SLC28A1: variants seen among roughly 807,000 people sequenced by gnomAD.
SLC28A1 encodes the protein solute carrier family 28 member 1.
SLC28A1 carries 64 observed loss-of-function variants against 74.8 expected under a neutral mutation model. That is an observed-to-expected ratio of 0.86 (90% CI 0.70 to 1.05). The LOEUF is 1.05. Ranked by LOEUF, SLC28A1 falls within the 50% of genes least tolerant of loss-of-function variation. The pLI is 0.00. For synonymous variants in SLC28A1, 359 were observed against 335.0 expected (o/e 1.07, Z -0.78); for missense variants, 828 against 822.8 (o/e 1.01, Z -0.08).
chr15:84,918,753 A>G (rs1969446238), intron 10 of SLC28A1, 149 bp downstream of exon 10: 3 of 734,058 alleles, frequency 4.1e-6, no homozygotes, highest in South Asian at 2.8e-5. Flanking sequence ...CCCTGTTCCC[A>G]GTGCCTCCAC....
In SLC28A1 at chr15:84,909,311, C is replaced by T. The variant is rs144300821; in HGVS notation, c.795+516C>T. ...ATAGCTCCCTCCTTTGTGACCTCCT[C>T]AACCTACGATCCCACTTTCCCTCCC... On this transcript the variant is annotated intron_variant, in intron 9 of 18. Transcript: ENST00000394573. 1.4e-3 allele frequency among the ~76,000 whole-genome samples: 212 copies of T among 152,324 alleles called. 2 individuals are homozygous for T. Among genetic ancestry groups the T allele is most frequent in the African/African-American group, 5.0e-3 (207 of 41,566 alleles).
chr15:84,954,735 A>C, the SLC28A1 span, among the ~76,000 whole-genome samples: 1 of 152,212 alleles, frequency 6.6e-6, no homozygotes, highest in African/African-American at 2.4e-5. Flanking sequence ...AAACAGGTAT[A>C]TGATATGTGT....
downstream of SLC28A1, among the ~76,000 whole-genome samples, chr15:84,950,268 C>CA (rs2079371685): frequency 2.0e-5 from 3 of 151,470 alleles, no homozygotes; most frequent in Admixed American, 2.0e-4. Context: ...TTCATAAACT[C>CA]AAAATTTTAA....
intron 7 of SLC28A1, among the ~76,000 whole-genome samples, chr15:84,905,051 C>T (rs1284699277): frequency 1.3e-5 from 2 of 152,198 alleles, no homozygotes; most frequent in Non-Finnish European, 2.9e-5. Flanking sequence ...CCTGAGGAGC[C>T]CAGCTCTTGT....
the SLC28A1 span, among the ~76,000 whole-genome samples, chr15:84,964,992 A>G: frequency 6.6e-6 from 1 of 152,166 alleles, no homozygotes; most frequent in Non-Finnish European, 1.5e-5. Flanking sequence ...GAAGATCCTC[A>G]GTATGGAATG....
At chr15:84,890,802 A>G (rs1965290685) in intron 5 of SLC28A1, among the ~76,000 whole-genome samples, 1 of 152,092 alleles carries the variant, frequency 6.6e-6, no homozygotes, top group Non-Finnish European at 1.5e-5. Flanking sequence ...GGAATGGGGG[A>G]TGATCAGGGA....
downstream of SLC28A1, among the ~76,000 whole-genome samples, chr15:84,946,141 G>C (rs1203583001): frequency 3.2e-5 from 1 of 31,040 alleles, no homozygotes; most frequent in Non-Finnish European, 6.0e-5. Context: ...TTTTGGTAGA[G>C]ATGAGGTCTT....
rs150471536 is a variant in SLC28A1, at chr15:84,935,198, C to A, written c.1383+4C>A. 2.5e-6 allele frequency: 4 copies of A among 1,613,722 alleles called. No homozygotes were observed. Among genetic ancestry groups the A allele is most frequent in the Admixed American group, 3.3e-5 (2 of 60,000 alleles). ...CATCCAAGGGCTCAGCTTCCAGGTG[C>A]GTTTCTGGCCACCACACTCAGTCTG... On this transcript the variant is annotated splice_donor_region_variant and intron_variant, in intron 14 of 18. Transcript: ENST00000394573.
At chr15:84,941,966 C>T (rs1972775839) in intron 15 of SLC28A1, among the ~76,000 whole-genome samples, 3 of 152,184 alleles carry the variant, frequency 2.0e-5, no homozygotes, top group Admixed American at 2.0e-4. Flanking sequence ...TCCTTAGTTA[C>T]TTAACCTCTC....
chr15:84,910,651 C>G (rs1191148603), intron 9 of SLC28A1, among the ~76,000 whole-genome samples: 1 of 152,146 alleles, frequency 6.6e-6, no homozygotes, highest in African/African-American at 2.4e-5. Flanking sequence ...TCGCTTGAAC[C>G]CAGGAGGCAG....
In SLC28A1 at chr15:84,918,600, T is replaced by C; in HGVS notation, c.872T>C (p.Leu291Pro). The part of the protein sequence containing the change: ...YHVGLMQWVI[L>P]KIAWLMQVTM... ...GTGGGCCTCATGCAGTGGGTGATCC[T>C]GAAGGTAAGTTCCCAGTGCCCATGG... Residue 291 changes from leucine to proline, a missense_variant, in exon 10 of 19, where the codon CTG becomes CCG. Leu to Pro is a moderately conservative substitution (Grantham distance 98). Coordinates refer to ENST00000394573, the MANE Select transcript of SLC28A1 (RefSeq NM_004213.5). 6.2e-7 allele frequency: 1 copy of C among 1,611,174 alleles called. No homozygotes were observed. The highest frequency in any genetic ancestry group is 8.5e-7 in the Non-Finnish European group (1 of 1,177,382).
chr15:84,911,588 G>A (rs547059463), intron 9 of SLC28A1, among the ~76,000 whole-genome samples: 12 of 151,886 alleles, frequency 7.9e-5, no homozygotes, highest in South Asian at 4.1e-4. Context: ...TAGGCTGGGC[G>A]TGGTGGCTCA....
chr15:84,969,277 C>T, the SLC28A1 span, among the ~76,000 whole-genome samples: 20 of 152,196 alleles, frequency 1.3e-4, no homozygotes, highest in African/African-American at 4.1e-4. Flanking sequence ...AGGAGAGCAC[C>T]GAATTTATAC....
intron 12 of SLC28A1, among the ~76,000 whole-genome samples, chr15:84,932,634 T>C (rs1203207613): frequency 6.6e-6 from 1 of 152,188 alleles, no homozygotes; most frequent in Non-Finnish European, 1.5e-5. Flanking sequence ...ATACCTACAC[T>C]AAGGTGGAAT....
the SLC28A1 span, chr15:84,975,483 G>A: frequency 2.2e-6 from 1 of 456,112 alleles, no homozygotes; most frequent in African/African-American, 2.0e-5. Context: ...TTATGTTCCA[G>A]TAACGTGTTT....
At chr15:84,923,862 G>T in intron 11 of SLC28A1, 123 bp from the exon 12 acceptor site, 2 of 1,291,642 alleles carry the variant, frequency 1.5e-6, no homozygotes, top group Non-Finnish European at 2.2e-6. Flanking sequence ...TACAGACCCT[G>T]GTCCTTACCC....
At chr15:84,903,834 C>T (rs749729650) in intron 6 of SLC28A1, among the ~76,000 whole-genome samples, 5 of 152,142 alleles carry the variant, frequency 3.3e-5, no homozygotes, top group Non-Finnish European at 7.4e-5. Context: ...TCTCAACAAC[C>T]TTGAGAAATG....
the SLC28A1 span, among the ~76,000 whole-genome samples, chr15:84,962,799 A>G: frequency 6.6e-6 from 1 of 152,170 alleles, no homozygotes; most frequent in Non-Finnish European, 1.5e-5. Context: ...GGGGGTAGGG[A>G]GGAAAGGTCT....
In SLC28A1 at chr15:84,918,518, C is replaced by CG. The variant is rs879708811; in HGVS notation, c.796-4dup. ...ACCTGCGGTCCTATGATCTCCTTCC[C>CG]GGCAGGTTCTGCCCATCATTGTCTT... On this transcript the variant is annotated splice_region_variant and splice_polypyrimidine_tract_variant and intron_variant, in intron 9 of 18. Transcript: ENST00000394573. The CG allele has an allele frequency of 1.2e-6, 2 of 1,612,780 alleles. No individual in the cohort carries two copies. The highest frequency in any genetic ancestry group is 3.3e-5 in the Admixed American group (2 of 60,000).
Sources: gnomAD v4.1 joint callset for allele counts (sites outside exome capture counted in the v4.1 genomes callset) on GRCh38, gnomAD v4.1.1 for gene constraint, MANE v1.5 for transcripts, NCBI Gene and HGNC (gene_info 2026-07-23, HGNC 2026-07-21) for gene names.